VWC2: variants seen among roughly 807,000 people sequenced by gnomAD.
VWC2 encodes brorin.
A neutral mutation model predicts 29.8 loss-of-function variants in VWC2; 14 were observed. The ratio of observed to expected loss-of-function variants is 0.47; its 90% confidence interval spans 0.31 to 0.74. VWC2 has a LOEUF of 0.74. Among genes scored for constraint, VWC2 ranks in the 30% least tolerant of loss-of-function variants. VWC2 has a pLI of 0.05. For missense variants in VWC2, 457 were observed against 459.8 expected, an observed-to-expected ratio of 0.99 and a Z score of 0.05; for synonymous variants, 213 against 199.0, an observed-to-expected ratio of 1.07 and a Z score of -0.59.
chr7:49,786,346 G>A (rs560047315), intron 2 of VWC2, among the ~76,000 whole-genome samples: 173 of 152,224 alleles, frequency 1.1e-3, no homozygotes, highest in Non-Finnish European at 1.9e-3. Flanking sequence ...AGTATTCCAT[G>A]GTGTATATGT....
At chr7:49,821,245 G>T (rs1789255672) in intron 3 of VWC2, among the ~76,000 whole-genome samples, 1 of 152,176 alleles carries the variant, frequency 6.6e-6, no homozygotes, top group Non-Finnish European at 1.5e-5. Context: ...ATTGTTGGAG[G>T]CTGCAGTAAA....
Position 49,914,659 on chromosome 7 carries a change from T to C in VWC2, c.*2474T>C, listed in dbSNP as rs1457610532. 6.6e-6 allele frequency: 1 copy of C among 152,242 alleles called. No homozygotes were observed. The highest frequency in any genetic ancestry group is 1.5e-5 in the Non-Finnish European group (1 of 68,050). 9.4% of individuals were successfully genotyped at this position (152,242 alleles called of 1,614,324 possible). ...TCAACTTCTTCTTGCAGTTAGACTT[T>C]CACAAATACATAGCTATCTCAGATT... is the stretch of plus-strand genomic sequence containing the variant. On this transcript the variant is annotated 3_prime_UTR_variant, in exon 4 of 4. Coordinates refer to ENST00000340652, the MANE Select transcript of VWC2 (RefSeq NM_198570.5).
At chr7:49,788,028 G>A (rs1399609970) in intron 2 of VWC2, among the ~76,000 whole-genome samples, 2 of 152,188 alleles carry the variant, frequency 1.3e-5, no homozygotes, top group Non-Finnish European at 2.9e-5. Context: ...AAACTCCATG[G>A]AAAGGGACTT....
At chr7:49,875,398 C>A (rs1343190215) in intron 3 of VWC2, among the ~76,000 whole-genome samples, 4,183 of 41,644 alleles carry the variant, frequency 0.1, 1 homozygote, top group East Asian at 0.14. Flanking sequence ...AAAAAAAAAA[C>A]AGGAATAAAT....
At chr7:49,880,276 A>C (rs1278068428) in intron 3 of VWC2, among the ~76,000 whole-genome samples, 2 of 152,166 alleles carry the variant, frequency 1.3e-5, no homozygotes, top group Non-Finnish European at 2.9e-5. Flanking sequence ...ATAGAACCAC[A>C]CTTGCATTTC....
chr7:49,825,454 T>A (rs1420142705), intron 3 of VWC2, among the ~76,000 whole-genome samples: 3 of 152,226 alleles, frequency 2.0e-5, no homozygotes, highest in African/African-American at 7.2e-5. Context: ...TTGATGGTTT[T>A]CTGCTCCTGC....
intron 3 of VWC2, among the ~76,000 whole-genome samples, chr7:49,871,157 A>G (rs542475749): frequency 4.6e-5 from 7 of 152,358 alleles, no homozygotes; most frequent in Middle Eastern, 3.4e-3. Flanking sequence ...ATATCAATTT[A>G]TAGCAAAATT....
intron 3 of VWC2, among the ~76,000 whole-genome samples, chr7:49,814,178 T>A (rs551576206): frequency 6.6e-6 from 1 of 152,260 alleles, no homozygotes; most frequent in East Asian, 1.9e-4. Flanking sequence ...GCCCAATGGG[T>A]ATTAATTATT....
chr7:49,861,585 A>AT (rs1351998727), intron 3 of VWC2, among the ~76,000 whole-genome samples: 1 of 152,206 alleles, frequency 6.6e-6, no homozygotes, highest in Non-Finnish European at 1.5e-5. Context: ...GGTAAGAAAG[A>AT]TTTAAACCTT....
At chr7:49,794,001 A>G (rs1788523853) in intron 2 of VWC2, among the ~76,000 whole-genome samples, 1 of 152,206 alleles carries the variant, frequency 6.6e-6, no homozygotes, top group South Asian at 2.1e-4. Flanking sequence ...TCTGTGGACT[A>G]GCCAACACCA....
chr7:49,808,313 G>T (rs1788922760), intron 3 of VWC2, among the ~76,000 whole-genome samples: 1 of 152,016 alleles, frequency 6.6e-6, no homozygotes, highest in Non-Finnish European at 1.5e-5. Flanking sequence ...CAACTGTCAG[G>T]ATACTGATAG....
At chr7:49,810,397 T>C (rs985915714) in intron 3 of VWC2, among the ~76,000 whole-genome samples, 1 of 152,032 alleles carries the variant, frequency 6.6e-6, no homozygotes, top group Non-Finnish European at 1.5e-5. Context: ...AAAGGACATA[T>C]AAATAAATGG....
chr7:49,876,183 T>G (rs76558472), intron 3 of VWC2, among the ~76,000 whole-genome samples: 4,561 of 152,244 alleles, frequency 0.03, 191 homozygotes, highest in South Asian at 0.13. Context: ...TGGTAACCTT[T>G]AAGAGACACA....
rs1168094264 is a variant in VWC2, at chr7:49,915,864, C to T, written c.*3679C>T. 6.6e-6 allele frequency: 1 copy of T among 152,110 alleles called. No individual in the cohort carries two copies. Among genetic ancestry groups the T allele is most frequent in the Non-Finnish European group, 1.5e-5 (1 of 68,024 alleles). 9.4% of individuals were successfully genotyped at this position (152,110 alleles called of 1,614,324 possible). A position where few individuals can be genotyped will look rare whatever the true frequency, so the allele number is the denominator to read the frequency against. ...AATAAGCATCATTGGTAAAAACATA[C>T]ATGCTTCTTTGGCCAACATAATTTG... On this transcript the variant is annotated 3_prime_UTR_variant, in exon 4 of 4. Transcript: ENST00000340652.
At chr7:49,828,593 G>A (rs771623023) in intron 3 of VWC2, among the ~76,000 whole-genome samples, 3 of 152,158 alleles carry the variant, frequency 2.0e-5, no homozygotes, top group Non-Finnish European at 4.4e-5. Context: ...TGTGTGTGTT[G>A]AGCTGGGTCT....
At chr7:49,800,260 G>A (rs1287591142) in intron 2 of VWC2, among the ~76,000 whole-genome samples, 3 of 152,134 alleles carry the variant, frequency 2.0e-5, no homozygotes, top group Non-Finnish European at 4.4e-5. Context: ...GCTGCTGGAC[G>A]AGGCTGATTC....
In VWC2 at chr7:49,835,468, A is replaced by G. The variant is rs187930769; in HGVS notation, c.826+32628A>G. On this transcript the variant is annotated intron_variant, in intron 3 of 3. Coordinates refer to ENST00000340652, the MANE Select transcript of VWC2 (RefSeq NM_198570.5). ...TTTTTAAAGAGAATCAGGACTGAAC[A>G]CTTGTTAAAGAGGGCAAGACAGATT... is the stretch of plus-strand genomic sequence containing the variant. Among the ~76,000 whole-genome samples, 5 of 152,328 alleles carry G rather than the reference A, an allele frequency of 3.3e-5. No individual in the cohort carries two copies. In the East Asian group the frequency reaches 9.6e-4, roughly 29 times the overall value.
intron 2 of VWC2, among the ~76,000 whole-genome samples, chr7:49,784,963 G>A (rs1788263463): frequency 6.6e-6 from 1 of 152,092 alleles, no homozygotes. Flanking sequence ...CCCAGATATT[G>A]GGATGTAAAA....
Position 49,775,361 on chromosome 7 carries a change from C to A in VWC2, c.-75C>A. On this transcript the variant is annotated 5_prime_UTR_variant, in exon 2 of 4. Transcript: ENST00000340652. ...CGGCGGCTCCCGGCTGGCGGCGGCGCGCCCCCGGGCTGTGAATGCGACTCG... is the reference window on the plus strand; with the variant it reads ...CGGCGGCTCCCGGCTGGCGGCGGCGAGCCCCCGGGCTGTGAATGCGACTCG... 2 of 1,203,566 alleles carry A rather than the reference C, an allele frequency of 1.7e-6. No homozygotes were observed. Among genetic ancestry groups the A allele is most frequent in the Non-Finnish European group, 2.1e-6 (2 of 947,162 alleles). 74.6% of individuals were successfully genotyped at this position (1,203,566 alleles called of 1,614,324 possible). A position where few individuals can be genotyped will look rare whatever the true frequency, so the allele number is the denominator to read the frequency against.
Sources: allele counts gnomAD v4.1 joint callset (sites outside exome capture counted in the v4.1 genomes callset), GRCh38; gene constraint gnomAD v4.1.1; transcripts MANE v1.5; gene names NCBI Gene and HGNC (gene_info 2026-07-23, HGNC 2026-07-21).